Variants in PTPRJ observed in about 807,000 individuals in gnomAD.
PTPRJ encodes protein tyrosine phosphatase receptor type J, also known as receptor-type tyrosine-protein phosphatase eta.
PTPRJ carries 129 observed loss-of-function variants against 141.3 expected under a neutral mutation model. The ratio of observed to expected loss-of-function variants is 0.91; its 90% CI spans 0.79 to 1.06. The LOEUF (loss-of-function observed/expected upper bound fraction) is 1.06, where lower values mean the gene tolerates loss of function less well. PTPRJ is among the 50% of genes least tolerant of loss of function. PTPRJ has a pLI of 0.00. For missense variants in PTPRJ, 1,601 were observed against 1,679.7 expected (o/e 0.95, Z 0.82); for synonymous variants, 610 against 640.5 (o/e 0.95, Z 0.72).
chr11:48,093,274 T>C (rs1233553800), intron 1 of PTPRJ, among the ~76,000 whole-genome samples: 1 of 152,244 alleles, frequency 6.6e-6, no homozygotes, highest in East Asian at 1.9e-4. Flanking sequence ...TCTAAAAATA[T>C]TTAGTAGAGT....
intron 1 of PTPRJ, among the ~76,000 whole-genome samples, chr11:48,064,801 A>G (rs181553267): frequency 6.6e-6 from 1 of 151,510 alleles, no homozygotes; most frequent in Admixed American, 6.6e-5. Flanking sequence ...TTGTATTTTT[A>G]GTAGAGACAG....
chr11:48,106,067 C>T (rs974294267), intron 1 of PTPRJ, among the ~76,000 whole-genome samples: 10 of 152,112 alleles, frequency 6.6e-5, no homozygotes, highest in Admixed American at 2.6e-4. Flanking sequence ...TGGCTAATAC[C>T]GCATGTTTCA....
intron 1 of PTPRJ, among the ~76,000 whole-genome samples, chr11:48,097,407 A>G: frequency 6.6e-6 from 1 of 152,194 alleles, no homozygotes; most frequent in East Asian, 1.9e-4. Flanking sequence ...CCTTTACATA[A>G]GCATTGATTT....
chr11:48,081,567 G>A (rs1855558464), intron 1 of PTPRJ, among the ~76,000 whole-genome samples: 1 of 152,054 alleles, frequency 6.6e-6, no homozygotes, highest in Non-Finnish European at 1.5e-5. Context: ...TTTTGTGTTG[G>A]TCGGTCGCCA....
At chr11:48,025,672 G>T (rs1183523080) in intron 1 of PTPRJ, among the ~76,000 whole-genome samples, 1 of 152,180 alleles carries the variant, frequency 6.6e-6, no homozygotes, top group Non-Finnish European at 1.5e-5. Flanking sequence ...GCACCTCCAA[G>T]GACTCTCCAC....
chr11:48,057,811 A>G (rs147623026), intron 1 of PTPRJ, among the ~76,000 whole-genome samples: 29 of 152,164 alleles, frequency 1.9e-4, no homozygotes, highest in African/African-American at 7.0e-4. Flanking sequence ...CAAAACAAGA[A>G]ACTACTTCTG....
chr11:48,005,083 A>G (rs1389055751), intron 1 of PTPRJ, among the ~76,000 whole-genome samples: 2 of 133,188 alleles, frequency 1.5e-5, no homozygotes, highest in Non-Finnish European at 3.0e-5. Flanking sequence ...TTAGCCAGGC[A>G]TGGTGGTGGG....
At chr11:48,050,334 C>T (rs932760352) in intron 1 of PTPRJ, among the ~76,000 whole-genome samples, 1 of 152,116 alleles carries the variant, frequency 6.6e-6, no homozygotes, top group Non-Finnish European at 1.5e-5. Context: ...CTGGCCCCCA[C>T]ATATGCACGG....
At chr11:48,010,166 C>T (rs747875116) in intron 1 of PTPRJ, among the ~76,000 whole-genome samples, 1 of 151,966 alleles carries the variant, frequency 6.6e-6, no homozygotes, top group Admixed American at 6.6e-5. Flanking sequence ...AGTAGGTGCT[C>T]AGTAATTTAT....
intron 11 of PTPRJ, among the ~76,000 whole-genome samples, chr11:48,142,483 T>C (rs545192187): frequency 2.0e-5 from 3 of 152,176 alleles, no homozygotes; most frequent in South Asian, 2.1e-4. Context: ...GCATGGGATG[T>C]CTTTGCATGT....
intron 24 of PTPRJ, among the ~76,000 whole-genome samples, chr11:48,165,929 C>T (rs1176693816): frequency 6.6e-6 from 1 of 151,360 alleles, no homozygotes; most frequent in East Asian, 1.9e-4. Flanking sequence ...GGTGCGATCT[C>T]GGCTCACTGC....
intron 1 of PTPRJ, among the ~76,000 whole-genome samples, chr11:48,097,285 G>A (rs1369841334): frequency 6.6e-6 from 1 of 152,210 alleles, no homozygotes; most frequent in African/African-American, 2.4e-5. Context: ...AGTAGGACCA[G>A]CATGAACCAA....
At chr11:48,058,885 C>T (rs1220019325) in intron 1 of PTPRJ, among the ~76,000 whole-genome samples, 1 of 152,198 alleles carries the variant, frequency 6.6e-6, no homozygotes, top group Non-Finnish European at 1.5e-5. Context: ...CTGGCCTCTT[C>T]ATTTTGTGCC....
chr11:48,055,320 G>C (rs772316122), intron 1 of PTPRJ, among the ~76,000 whole-genome samples: 14 of 152,212 alleles, frequency 9.2e-5, no homozygotes, highest in Non-Finnish European at 1.9e-4. Context: ...GCAGCAGGCT[G>C]CATTTTTGCC....
intron 1 of PTPRJ, among the ~76,000 whole-genome samples, chr11:48,028,583 G>T (rs1271964139): frequency 1.3e-5 from 2 of 152,188 alleles, no homozygotes; most frequent in Non-Finnish European, 2.9e-5. Context: ...CTGAGGTCAG[G>T]AGTTTGAGAC....
chr11:48,113,004 C>T lies in PTPRJ; in HGVS notation c.352+21C>T, dbSNP rs751541893. ...CACTGGTAAGCATAGGCTTTTCTGC[C>T]AGTCATGTTTCTTAAAGGAAATCGG... is the stretch of plus-strand genomic sequence containing the variant. On this transcript the variant is annotated intron_variant, in intron 3 of 24. Coordinates refer to ENST00000418331, the MANE Select transcript of PTPRJ (RefSeq NM_002843.4). 6.4e-6 allele frequency: 10 copies of T among 1,556,630 alleles called. No individual in the cohort carries two copies. In the East Asian group the frequency reaches 1.6e-4, roughly 25 times the overall value.
intron 8 of PTPRJ, among the ~76,000 whole-genome samples, chr11:48,134,853 G>A (rs1395267510): frequency 6.6e-6 from 1 of 152,188 alleles, no homozygotes; most frequent in Non-Finnish European, 1.5e-5. Flanking sequence ...TGCTCTGAAG[G>A]TGCAGGGTGT....
intron 9 of PTPRJ, among the ~76,000 whole-genome samples, 179 bp from the exon 10 acceptor site, chr11:48,136,824 A>T (rs967778636): frequency 6.6e-6 from 1 of 152,202 alleles, no homozygotes; most frequent in Non-Finnish European, 1.5e-5. Flanking sequence ...TTTGAGACTT[A>T]ATCTGTATAA....
chr11:48,068,606 G>T (rs779690518), intron 1 of PTPRJ, among the ~76,000 whole-genome samples: 60 of 152,206 alleles, frequency 3.9e-4, no homozygotes, highest in Admixed American at 9.8e-4. Flanking sequence ...TTCATTTGCA[G>T]CATGAGAACA....
Sources: gnomAD v4.1 joint callset for allele counts (sites outside exome capture counted in the v4.1 genomes callset) on GRCh38, gnomAD v4.1.1 for gene constraint, MANE v1.5 for transcripts, NCBI Gene and HGNC (gene_info 2026-07-23, HGNC 2026-07-21) for gene names.